SPMIP4: variants seen among roughly 807,000 people sequenced by gnomAD.
SPMIP4 encodes sperm microtubule inner protein 4.
At chr7:25,174,079 T>C in the SPMIP4 span, among the ~76,000 whole-genome samples, 1 of 152,220 alleles carries the variant, frequency 6.6e-6, no homozygotes, top group African/African-American at 2.4e-5. This position sits in a 1 kb window ranked among gnomAD's most constrained non-coding sequence, Gnocchi z 4.5. Context: ...CTGGATTCAC[T>C]TCATTGCTTT....
chr7:25,179,249 C>T, the SPMIP4 span: 1 of 1,613,752 alleles, frequency 6.2e-7, no homozygotes, highest in Non-Finnish European at 8.5e-7. Context: ...AGGTGTTGGA[C>T]AGTATGTCAG....
At chr7:25,177,632 G>C in the SPMIP4 span, among the ~76,000 whole-genome samples, 12,056 of 152,112 alleles carry the variant, frequency 0.079, 1,596 homozygotes, top group African/African-American at 0.27. Context: ...CTGACACTAA[G>C]ATCTTGGCAA....
At chr7:25,172,107 T>A in the SPMIP4 span, among the ~76,000 whole-genome samples, 1 of 152,212 alleles carries the variant, frequency 6.6e-6, no homozygotes, top group Non-Finnish European at 1.5e-5. The surrounding 1 kb of genome is among the most constrained non-coding windows in gnomAD (Gnocchi z 4.2). Flanking sequence ...TTTAATAGAC[T>A]GGAAAATTCC....
At chr7:25,136,827 G>T in the SPMIP4 span, 2 of 1,582,700 alleles carry the variant, frequency 1.3e-6, no homozygotes, top group Non-Finnish European at 1.7e-6. The surrounding 1 kb of genome is among the most constrained non-coding windows in gnomAD (Gnocchi z 5.7). Flanking sequence ...GAAAAAAATT[G>T]ATCAGGGATA....
chr7:25,137,128 G>A, the SPMIP4 span, among the ~76,000 whole-genome samples: 10 of 152,086 alleles, frequency 6.6e-5, no homozygotes, highest in East Asian at 1.9e-4. Flanking sequence ...CATTAGCCGC[G>A]TGTGCAGTTA....
At chr7:25,152,640 T>G in the SPMIP4 span, among the ~76,000 whole-genome samples, 3 of 152,088 alleles carry the variant, frequency 2.0e-5, no homozygotes, top group Non-Finnish European at 2.9e-5. Context: ...TCTGCACTCT[T>G]AACTTCCTAA....
the SPMIP4 span, chr7:25,155,199 T>C: frequency 1.3e-6 from 2 of 1,504,820 alleles, no homozygotes; most frequent in South Asian, 2.6e-5. Context: ...CTCTCTAAGA[T>C]TTATTGAGGA....
chr7:25,154,875 G>T, the SPMIP4 span: 1 of 791,676 alleles, frequency 1.3e-6, no homozygotes, highest in Non-Finnish European at 2.0e-6. Context: ...TAAAGTCGCA[G>T]CTGTGAACAA....
At chr7:25,164,157 T>C in the SPMIP4 span, among the ~76,000 whole-genome samples, 1 of 152,180 alleles carries the variant, frequency 6.6e-6, no homozygotes, top group Admixed American at 6.5e-5. Context: ...AGAGTGGAAG[T>C]GGGAGTGGTG....
At chr7:25,142,921 A>G in the SPMIP4 span, 1 of 791,206 alleles carries the variant, frequency 1.3e-6, no homozygotes, top group African/African-American at 1.8e-5. Context: ...GGCTGACGTC[A>G]GAATGGTTTT....
chr7:25,169,082 T>C, the SPMIP4 span, among the ~76,000 whole-genome samples: 387 of 151,532 alleles, frequency 2.6e-3, 2 homozygotes, highest in African/African-American at 8.8e-3. Flanking sequence ...TGCCACACAA[T>C]TCATCGATTT....
the SPMIP4 span, among the ~76,000 whole-genome samples, chr7:25,160,732 A>G: frequency 1.3e-5 from 2 of 152,260 alleles, no homozygotes; most frequent in Non-Finnish European, 2.9e-5. Flanking sequence ...AGTATGCCTT[A>G]CGTTAAAAAT....
At chr7:25,157,881 GA>G in the SPMIP4 span, among the ~76,000 whole-genome samples, 2 of 152,218 alleles carry the variant, frequency 1.3e-5, no homozygotes, top group African/African-American at 4.8e-5. Context: ...ATATTAATGT[GA>G]GATGTTAACA....
chr7:25,166,230 C>CTTTTTTT, the SPMIP4 span, among the ~76,000 whole-genome samples: 3 of 69,230 alleles, frequency 4.3e-5, no homozygotes, highest in African/African-American at 7.6e-5. Flanking sequence ...TTCTTTCCGT[C>CTTTTTTT]TTCTTTTTTT....
At chr7:25,152,356 C>T in the SPMIP4 span, among the ~76,000 whole-genome samples, 1 of 152,152 alleles carries the variant, frequency 6.6e-6, no homozygotes, top group Non-Finnish European at 1.5e-5. Context: ...CAGCATGGCT[C>T]GCTTTGCTCT....
At chr7:25,155,008 T>C in the SPMIP4 span, 1 of 1,609,584 alleles carries the variant, frequency 6.2e-7, no homozygotes, top group African/African-American at 1.3e-5. Context: ...GGTCACATTT[T>C]ACCTCTTGTC....
chr7:25,127,393 T>C, the SPMIP4 span, among the ~76,000 whole-genome samples: 7 of 152,186 alleles, frequency 4.6e-5, 1 homozygote, highest in Admixed American at 4.6e-4. Context: ...TTTTCTTTTG[T>C]CTCTTCTGAG....
the SPMIP4 span, chr7:25,142,333 C>T: frequency 1.1e-5 from 18 of 1,583,998 alleles, no homozygotes; most frequent in Non-Finnish European, 1.3e-5. Context: ...GGCCCCAGAC[C>T]TTAATGGAAA....
At chr7:25,142,283 C>A in the SPMIP4 span, 1 of 1,613,418 alleles carries the variant, frequency 6.2e-7, no homozygotes, top group Non-Finnish European at 8.5e-7. Flanking sequence ...ACTCTGCTAC[C>A]ATCTTTTCAT....
Sources: allele counts gnomAD v4.1 joint callset (sites outside exome capture counted in the v4.1 genomes callset), GRCh38; gene constraint gnomAD v4.1.1; non-coding constraint Gnocchi (gnomAD v3.1); transcripts MANE v1.5; gene names NCBI Gene and HGNC (gene_info 2026-07-23, HGNC 2026-07-21).